Variants in KIF15 observed in about 807,000 individuals in gnomAD.
KIF15 encodes the protein kinesin-like protein KIF15.
Under a neutral mutation model 190.6 loss-of-function variants are expected in KIF15, and 140 were observed. The ratio of observed to expected loss-of-function variants is 0.73; its 90% CI spans 0.64 to 0.84. The LOEUF is 0.84. Among genes scored for constraint, KIF15 ranks in the 40% least tolerant of loss-of-function variants. The pLI is 0.00. For missense variants in KIF15, 1,372 were observed against 1,584.4 expected, an observed-to-expected ratio of 0.87 and a Z score of 2.28; for synonymous variants, 528 against 551.3, an observed-to-expected ratio of 0.96 and a Z score of 0.59.
Position 44,794,240 on chromosome 3 carries a change from T to A in KIF15, c.663T>A (p.Asn221Lys). ...AGGTGTTGTCTGGAGGATGGAGGAA[T>A]AGACGTGTGGCATCAACATCAATGA... ...AYQVLSGGWR[N>K]RRVASTSMNR... Residue 221 changes from asparagine (N) to lysine (K), a missense_variant, in exon 8 of 35, where the codon AAT (asparagine) becomes AAA (lysine). Coordinates refer to ENST00000326047, the MANE Select transcript of KIF15 (RefSeq NM_020242.3). The A allele has an allele frequency of 6.2e-7, 1 of 1,613,862 alleles. No individual in the cohort carries two copies. Among genetic ancestry groups the A allele is most frequent in the Non-Finnish European group, 8.5e-7 (1 of 1,179,884 alleles).
intron 7 of KIF15, among the ~76,000 whole-genome samples, chr3:44,793,954 C>T (rs183614581): frequency 6.6e-6 from 1 of 150,618 alleles, no homozygotes; most frequent in Non-Finnish European, 1.5e-5. Context: ...AATCATGGCT[C>T]ACTGCAGCCT....
chr3:44,841,388 T>A (rs762610447), intron 29 of KIF15, 150 bp downstream of exon 29: 95 of 582,854 alleles, frequency 1.6e-4, no homozygotes, highest in Non-Finnish European at 1.6e-4. Context: ...GCCAGTAAAT[T>A]TAATTTTTTT....
chr3:44,808,280 C>A (rs1707612200), intron 16 of KIF15, among the ~76,000 whole-genome samples: 1 of 152,126 alleles, frequency 6.6e-6, no homozygotes, highest in African/African-American at 2.4e-5. Flanking sequence ...CTACTTCTTC[C>A]TTTTATGACT....
chr3:44,861,478 C>T (rs1339431060), intron 6 of KIF15, among the ~76,000 whole-genome samples: 1 of 152,196 alleles, frequency 6.6e-6, no homozygotes, highest in Admixed American at 6.5e-5. Context: ...CGCCCTCTGC[C>T]GAGGCATCTC....
chr3:44,798,405 A>G (rs1575606961), intron 10 of KIF15, among the ~76,000 whole-genome samples: 7 of 151,586 alleles, frequency 4.6e-5, no homozygotes, highest in Admixed American at 6.6e-5. Flanking sequence ...TTGCTCTGTC[A>G]CCCAGGCTAG....
At chr3:44,812,338 G>T in intron 18 of KIF15, 49 bp downstream of exon 18, 1 of 1,313,118 alleles carries the variant, frequency 7.6e-7, no homozygotes, top group South Asian at 1.2e-5. Flanking sequence ...ACCCTCAAAT[G>T]TTACCTTGAG....
downstream of KIF15, among the ~76,000 whole-genome samples, chr3:44,856,307 G>C (rs1436758941): frequency 2.0e-5 from 3 of 152,182 alleles, no homozygotes; most frequent in Non-Finnish European, 4.4e-5. Flanking sequence ...TTGATGTGTA[G>C]GGAAGGGAGG....
intron 20 of KIF15, among the ~76,000 whole-genome samples, chr3:44,819,591 G>T (rs147081117): frequency 6.6e-6 from 1 of 152,178 alleles, no homozygotes; most frequent in Non-Finnish European, 1.5e-5. Flanking sequence ...CTAATTTATT[G>T]CACTGTGGTC....
At chr3:44,863,300 A>ACCGCC (rs1699280451) in intron 6 of KIF15, 1 of 35,060 alleles carries the variant, frequency 2.9e-5, no homozygotes, top group Non-Finnish European at 5.8e-5. Flanking sequence ...TAGATTCCGC[A>ACCGCC]CCCCCCCCCC....
At chr3:44,762,799 A>G (rs544609738) in intron 1 of KIF15, among the ~76,000 whole-genome samples, 4 of 152,218 alleles carry the variant, frequency 2.6e-5, no homozygotes, top group African/African-American at 9.6e-5. Context: ...TCCTTATGCT[A>G]CCTTTTTGCA....
intron 5 of KIF15, among the ~76,000 whole-genome samples, chr3:44,782,514 C>G (rs1024265350): frequency 2.6e-5 from 4 of 152,230 alleles, no homozygotes; most frequent in African/African-American, 9.7e-5. Flanking sequence ...TACTTGAATA[C>G]AAGGCAGTGT....
At chr3:44,809,928 A>G (rs1473401800) in intron 16 of KIF15, among the ~76,000 whole-genome samples, 2 of 152,030 alleles carry the variant, frequency 1.3e-5, no homozygotes. Flanking sequence ...TTAACCAGGC[A>G]TGGTGGTGTG....
At chr3:44,775,987 A>G (rs1459719350) in intron 3 of KIF15, among the ~76,000 whole-genome samples, 1 of 151,542 alleles carries the variant, frequency 6.6e-6, no homozygotes, top group Non-Finnish European at 1.5e-5. Context: ...GGCTGAGGCA[A>G]GAGAATGGCA....
chr3:44,824,431 T>C (rs1168129450), intron 20 of KIF15, among the ~76,000 whole-genome samples: 1 of 152,122 alleles, frequency 6.6e-6, no homozygotes, highest in Non-Finnish European at 1.5e-5. Flanking sequence ...AGTTGTCTGA[T>C]TGGCCTGTAA....
At chr3:44,803,943 C>T (rs1214998971) in intron 14 of KIF15, among the ~76,000 whole-genome samples, 1 of 152,030 alleles carries the variant, frequency 6.6e-6, no homozygotes, top group Non-Finnish European at 1.5e-5. Context: ...CCTCCACCTC[C>T]TGGATTCAAG....
intron 26 of KIF15, 84 bp from the exon 27 acceptor site, chr3:44,838,191 T>G: frequency 7.2e-7 from 1 of 1,390,488 alleles, no homozygotes; most frequent in Non-Finnish European, 9.8e-7. Context: ...TTCCTTAGTC[T>G]GTTAAAAGTT....
chr3:44,852,020 A>G lies in KIF15; in HGVS notation c.3972+68A>G, dbSNP rs946984619. ...AAATGAATAGAACTAATTAGCGTAA[A>G]ACTCACTTTGTGATTGGGTGTCCTT... is the stretch of plus-strand genomic sequence containing the variant. On this transcript the variant is annotated intron_variant, in intron 33 of 34. Coordinates refer to ENST00000326047, the MANE Select transcript of KIF15 (RefSeq NM_020242.3). 21 of 1,531,248 alleles carry G rather than the reference A, an allele frequency of 1.4e-5. No individual in the cohort carries two copies. The African/African-American group carries it at 2.4e-4, about 17-fold the overall frequency. 94.9% of individuals were successfully genotyped at this position (1,531,248 alleles called of 1,614,324 possible).
At chr3:44,768,657 C>T (rs1467694418) in intron 1 of KIF15, among the ~76,000 whole-genome samples, 1 of 152,172 alleles carries the variant, frequency 6.6e-6, no homozygotes, top group African/African-American at 2.4e-5. Context: ...ATTCCCCACT[C>T]TAAAGAAGTA....
chr3:44,799,983 G>C (rs1045739409), intron 10 of KIF15, among the ~76,000 whole-genome samples: 2 of 152,064 alleles, frequency 1.3e-5, no homozygotes, highest in South Asian at 4.1e-4. Flanking sequence ...TTGGGAGGGT[G>C]GGGGAAGGCT....
Sources: gnomAD v4.1 joint callset for allele counts (sites outside exome capture counted in the v4.1 genomes callset) on GRCh38, gnomAD v4.1.1 for gene constraint, MANE v1.5 for transcripts, NCBI Gene and HGNC (gene_info 2026-07-23, HGNC 2026-07-21) for gene names.